DST: variants seen among roughly 807,000 people sequenced by gnomAD.
The protein encoded by DST is dystonin, also known as bullous pemphigoid antigen.
Under a neutral mutation model 875.2 loss-of-function variants are expected in DST, and 253 were observed. That is an observed-to-expected ratio of 0.29 (90% CI 0.26 to 0.32). DST has a LOEUF of 0.32. Ranked by LOEUF, DST falls within the 10% of genes least tolerant of loss-of-function variation. The pLI is 1.00. For missense variants in DST, 8,287 were observed against 9,111.6 expected (o/e 0.91, Z 3.68); for synonymous variants, 3,124 against 3,197.1 (o/e 0.98, Z 0.77).
At chr6:56,583,044 T>C (rs1016475145) in intron 49 of DST, among the ~76,000 whole-genome samples, 22 of 152,248 alleles carry the variant, frequency 1.4e-4, no homozygotes, top group African/African-American at 4.8e-4. Context: ...TGAATAGTGC[T>C]GCAATAAACA....
rs753398914 is a variant in DST, at chr6:56,532,443, A to T, written c.17009T>A (p.Ile5670Asn). The T allele has an allele frequency of 1.2e-6, 2 of 1,612,670 alleles. No homozygotes were observed. Among genetic ancestry groups the T allele is most frequent in the Non-Finnish European group, 8.5e-7 (1 of 1,179,324 alleles). ...VEVIKREGEKIATTAEPADKV... is the reference protein window; with the variant it reads ...VEVIKREGEKNATTAEPADKV... ...ATCTGCGGGCTCTGCTGTTGTAGCA[A>T]TTTTTTCTCCTTCTCGTTTGATTAC... Residue 5670 changes from isoleucine (I) to asparagine (N), a missense_variant, in exon 64 of 104, where the codon ATT becomes AAT. Coordinates refer to ENST00000680361, the MANE Select transcript of DST (RefSeq NM_001374736.1).
intron 23 of DST, among the ~76,000 whole-genome samples, chr6:56,636,255 T>TAC (rs1563355277): frequency 4.7e-5 from 7 of 147,782 alleles, no homozygotes; most frequent in African/African-American, 1.3e-4. Context: ...TATATATATA[T>TAC]ACACACACAC....
rs911845891 is a variant in DST, at chr6:56,486,342, G to A, written c.21047+762C>T. Among the ~76,000 whole-genome samples the A allele has an allele frequency of 5.0e-3, 589 of 116,644 alleles. 5 individuals carry two copies. The highest frequency in any genetic ancestry group is 0.019 in the African/African-American group (561 of 30,070). The allele number at this position is 116,644 out of a possible 152,430, so 76.5% of individuals were successfully genotyped here. ...CCCGCCACTGCACTCCAGCCTGGGTGACAGAGCGAGACTCCGTCTCAAAAA... is the reference window on the plus strand; with the variant it reads ...CCCGCCACTGCACTCCAGCCTGGGTAACAGAGCGAGACTCCGTCTCAAAAA... On this transcript the variant is annotated intron_variant, in intron 87 of 103. Transcript: ENST00000680361.
chr6:56,493,189 CTTTA>C, intron 83 of DST, 100 bp from the exon 84 acceptor site: 2 of 1,005,544 alleles, frequency 2.0e-6, no homozygotes, highest in South Asian at 4.1e-5. Context: ...CCTATCCCCA[CTTTA>C]TTTATGCATA....
At chr6:56,668,331 T>C (rs1223251706) in intron 10 of DST, among the ~76,000 whole-genome samples, 10 of 152,190 alleles carry the variant, frequency 6.6e-5, no homozygotes, top group Non-Finnish European at 1.2e-4. Context: ...TAAACAAGTG[T>C]AGGCAAGTTG....
chr6:56,510,348 A>T (rs2096448385), intron 73 of DST, among the ~76,000 whole-genome samples: 1 of 152,140 alleles, frequency 6.6e-6, no homozygotes, highest in African/African-American at 2.4e-5. Context: ...AATTCATGGG[A>T]AGTTTTGATT....
chr6:56,653,982 G>A (rs921140401), intron 10 of DST, among the ~76,000 whole-genome samples: 1 of 152,044 alleles, frequency 6.6e-6, no homozygotes, highest in Admixed American at 6.5e-5. Flanking sequence ...TCTTTTTGTG[G>A]AATGTTAACA....
intron 12 of DST, among the ~76,000 whole-genome samples, chr6:56,650,107 A>G (rs1338799809): frequency 1.3e-5 from 2 of 152,180 alleles, no homozygotes; most frequent in Non-Finnish European, 2.9e-5. Flanking sequence ...TAGAAACAGC[A>G]CAGAGAACTG....
intron 4 of DST, among the ~76,000 whole-genome samples, chr6:56,836,030 T>A (rs1014975061): frequency 1.8e-4 from 28 of 152,310 alleles, no homozygotes; most frequent in African/African-American, 6.3e-4. Flanking sequence ...TTATAACTAA[T>A]CATTAGAATT....
At chr6:56,768,439 A>G (rs1019051353) in intron 4 of DST, among the ~76,000 whole-genome samples, 1 of 152,238 alleles carries the variant, frequency 6.6e-6, no homozygotes, top group Non-Finnish European at 1.5e-5. Flanking sequence ...AATTCAACAG[A>G]GAATGGATAA....
intron 9 of DST, among the ~76,000 whole-genome samples, chr6:56,672,878 T>A (rs2152831217): frequency 6.6e-6 from 1 of 152,356 alleles, no homozygotes; most frequent in South Asian, 2.1e-4. Flanking sequence ...AATAAAAGAA[T>A]AAGTTTTTTA....
intron 9 of DST, among the ~76,000 whole-genome samples, chr6:56,690,476 C>G (rs935970063): frequency 1.3e-5 from 2 of 152,078 alleles, no homozygotes; most frequent in African/African-American, 4.8e-5. Flanking sequence ...GTCATTGCAA[C>G]GACTCAAAAG....
intron 40 of DST, 60 bp downstream of exon 40, chr6:56,603,777 G>C: frequency 6.3e-7 from 1 of 1,576,236 alleles, no homozygotes; most frequent in Admixed American, 1.9e-5. Flanking sequence ...GCAAATGTAT[G>C]GGATTATTCT....
chr6:56,924,640 T>C (rs892734570), intron 2 of DST, among the ~76,000 whole-genome samples: 2 of 152,198 alleles, frequency 1.3e-5, no homozygotes, highest in African/African-American at 4.8e-5. Context: ...GAAGGAAATT[T>C]TACCAAGGCA....
intron 101 of DST, 93 bp downstream of exon 101, chr6:56,463,472 C>T: frequency 8.4e-7 from 1 of 1,193,338 alleles, no homozygotes; most frequent in Non-Finnish European, 1.1e-6. Flanking sequence ...ATAGCTGGTC[C>T]TACAAATTCT....
intron 3 of DST, among the ~76,000 whole-genome samples, chr6:56,862,910 T>C (rs1258404539): frequency 1.3e-5 from 2 of 152,142 alleles, no homozygotes; most frequent in East Asian, 3.9e-4. Context: ...AGAATAGCAG[T>C]AGGAAAATGA....
intron 4 of DST, among the ~76,000 whole-genome samples, chr6:56,783,328 A>G (rs1362456053): frequency 1.3e-5 from 2 of 152,244 alleles, no homozygotes; most frequent in Admixed American, 6.5e-5. Context: ...GTGGGGTGTT[A>G]AAGTCTCCCA....
intron 5 of DST, among the ~76,000 whole-genome samples, chr6:56,717,104 A>C (rs1589119075): frequency 6.6e-6 from 1 of 152,028 alleles, no homozygotes; most frequent in African/African-American, 2.4e-5. Context: ...AATGGCGTGA[A>C]CCCGGTAGGC....
chr6:56,560,269 C>T (rs2097516234), intron 58 of DST, 25 bp downstream of exon 58: 1 of 1,553,024 alleles, frequency 6.4e-7, no homozygotes, highest in Non-Finnish European at 8.7e-7. Context: ...TCTTCATAGG[C>T]ATTCATCTAA....
Sources: gnomAD v4.1 joint callset for allele counts (sites outside exome capture counted in the v4.1 genomes callset) on GRCh38, gnomAD v4.1.1 for gene constraint, MANE v1.5 for transcripts, NCBI Gene and HGNC (gene_info 2026-07-23, HGNC 2026-07-21) for gene names.